The following PTPA variants were observed in gnomAD, a reference collection of about 807,000 sequenced individuals.
PTPA encodes protein phosphatase 2 phosphatase activator, also known as serine/threonine-protein phosphatase 2A activator.
PTPA carries 13 observed loss-of-function variants against 43.6 expected under a neutral mutation model. The ratio of observed to expected loss-of-function variants is 0.30; its 90% CI spans 0.19 to 0.47. The LOEUF (loss-of-function observed/expected upper bound fraction) is 0.47, where lower values mean the gene tolerates loss of function less well. Among genes scored for constraint, PTPA ranks in the 20% least tolerant of loss-of-function variants. The probability of loss-of-function intolerance (pLI) is 0.99; values close to 1 mark genes in which losing one functional copy is unlikely to be tolerated. For synonymous variants in PTPA, 172 were observed against 158.2 expected, an observed-to-expected ratio of 1.09 and a Z score of -0.66; for missense variants, 329 against 411.9, an observed-to-expected ratio of 0.80 and a Z score of 1.74.
At chr9:129,120,897 T>C (rs888157048) in intron 2 of PTPA, among the ~76,000 whole-genome samples, 1 of 152,224 alleles carries the variant, frequency 6.6e-6, no homozygotes, top group Non-Finnish European at 1.5e-5. Context: ...CTGTATTGGC[T>C]GAACATGAGT....
intron 9 of PTPA, among the ~76,000 whole-genome samples, chr9:129,146,615 G>A (rs981771835): frequency 2.6e-5 from 4 of 152,234 alleles, no homozygotes; most frequent in East Asian, 1.9e-4. Context: ...TGCCCAGAAC[G>A]GCTCCTGTGA....
intron 4 of PTPA, 102 bp downstream of exon 4, chr9:129,129,212 A>G (rs1443345169): frequency 2.1e-6 from 3 of 1,449,772 alleles, no homozygotes; most frequent in East Asian, 2.3e-5. Context: ...CTAGGCATAT[A>G]CAAATCTCAG....
chr9:129,127,640 T>C (rs1265928269), intron 3 of PTPA, among the ~76,000 whole-genome samples: 3 of 152,198 alleles, frequency 2.0e-5, no homozygotes, highest in South Asian at 2.1e-4. Flanking sequence ...GATTTCTTCA[T>C]TGAGTAACAT....
intron 8 of PTPA, among the ~76,000 whole-genome samples, chr9:129,139,014 G>A (rs934525579): frequency 3.9e-5 from 6 of 152,194 alleles, no homozygotes; most frequent in Non-Finnish European, 8.8e-5. Flanking sequence ...CGGAGCCCTG[G>A]GGGACCTCAG....
At chr9:129,114,646 T>C (rs574164143) in intron 1 of PTPA, among the ~76,000 whole-genome samples, 3 of 152,174 alleles carry the variant, frequency 2.0e-5, no homozygotes, top group Non-Finnish European at 4.4e-5. Context: ...AAATGGCCAA[T>C]GATAATGCTA....
upstream of PTPA, chr9:129,110,991 C>A: frequency 1.5e-6 from 2 of 1,371,416 alleles, no homozygotes; most frequent in Non-Finnish European, 2.0e-6. This position sits in a 1 kb window ranked among gnomAD's most constrained non-coding sequence, Gnocchi z 5.3. Context: ...CACCGTCCAG[C>A]TGTCTCTCCC....
intron 4 of PTPA, among the ~76,000 whole-genome samples, chr9:129,130,758 C>T (rs1849905616): frequency 6.6e-6 from 1 of 152,150 alleles, no homozygotes; most frequent in Admixed American, 6.5e-5. Context: ...CATGTTTTTA[C>T]TCATGGACTC....
chr9:129,135,450 T>G (rs977043016), intron 6 of PTPA, among the ~76,000 whole-genome samples: 3 of 152,186 alleles, frequency 2.0e-5, no homozygotes, highest in African/African-American at 4.8e-5. Flanking sequence ...GTTGACCATA[T>G]GGAGGAAGAA....
At chr9:129,116,609 T>C (rs1848896935) in intron 1 of PTPA, among the ~76,000 whole-genome samples, 1 of 152,164 alleles carries the variant, frequency 6.6e-6, no homozygotes, top group South Asian at 2.1e-4. Context: ...ATGGTCTCGA[T>C]CTCCTGACCT....
chr9:129,148,236 C>T lies in PTPA; in HGVS notation c.*772C>T, dbSNP rs1002681580. ...GTAGGTGCTGGGCTCCTGGGAGGGC[C>T]CAGATGATGGGGTGAGGCATGTCTT... On this transcript the variant is annotated 3_prime_UTR_variant, in exon 10 of 10. Transcript: ENST00000393370. 16 of 152,414 alleles carry T rather than the reference C, an allele frequency of 1.0e-4. No homozygotes were observed. The highest frequency in any genetic ancestry group is 3.4e-4 in the African/African-American group (14 of 41,470). The allele number at this position is 152,414 out of a possible 1,614,324, so 9.4% of individuals were successfully genotyped here.
intron 4 of PTPA, among the ~76,000 whole-genome samples, chr9:129,130,454 C>T (rs1455346695): frequency 1.3e-5 from 2 of 149,638 alleles, no homozygotes; most frequent in African/African-American, 2.5e-5. Context: ...AGTGCAGTGG[C>T]ATGATCTCAG....
chr9:129,133,751 GC>G (rs1386835740), intron 5 of PTPA, among the ~76,000 whole-genome samples: 2 of 152,148 alleles, frequency 1.3e-5, no homozygotes, highest in Non-Finnish European at 2.9e-5. Flanking sequence ...CTTTCCTATG[GC>G]CAAAAGGCCC....
At chr9:129,142,338 T>TTGTGTGTGTG in intron 8 of PTPA, 107 bp from the exon 9 acceptor site, 1 of 794,542 alleles carries the variant, frequency 1.3e-6, no homozygotes, top group South Asian at 2.1e-5. Flanking sequence ...GCGTGTGCGT[T>TTGTGTGTGTG]TGTGTGTGTG....
intron 1 of PTPA, among the ~76,000 whole-genome samples, chr9:129,116,387 T>TC (rs912612876): frequency 3.7e-5 from 5 of 134,428 alleles, no homozygotes; most frequent in South Asian, 2.4e-4. Flanking sequence ...AGGGTTTCTT[T>TC]TTTTTTTTTT....
chr9:129,118,344 G>A (rs941642844), intron 1 of PTPA, among the ~76,000 whole-genome samples: 5 of 151,634 alleles, frequency 3.3e-5, no homozygotes, highest in Non-Finnish European at 5.9e-5. Flanking sequence ...GAGCCACCAC[G>A]CCCAGCCTAT....
Position 129,133,061 on chromosome 9 carries a change from T to A in PTPA, c.460+1422T>A, listed in dbSNP as rs577318161. ...GCATTCTCTGTGTCAGGGCACGGCC[T>A]GTCGAGCCACCATGCTGAGACCCCA... On this transcript the variant is annotated intron_variant, in intron 5 of 9. Coordinates refer to ENST00000393370, the MANE Select transcript of PTPA (RefSeq NM_178000.3). Among the ~76,000 whole-genome samples, 36 of 152,036 alleles carry A rather than the reference T, an allele frequency of 2.4e-4. No individual in the cohort carries two copies. In the East Asian group the frequency reaches 6.6e-3, roughly 28 times the overall value.
chr9:129,142,696 A>T (rs1040395594), intron 9 of PTPA, 144 bp downstream of exon 9: 1 of 1,544,418 alleles, frequency 6.5e-7, no homozygotes, highest in African/African-American at 1.4e-5. Context: ...CCCCTCTGAC[A>T]CTTGGGGCCT....
intron 9 of PTPA, chr9:129,143,238 C>T (rs17486520): frequency 8.7e-6 from 6 of 689,372 alleles, no homozygotes; most frequent in Non-Finnish European, 1.6e-5. Context: ...TATTTCTACT[C>T]TGTCCCTTCT....
intron 3 of PTPA, among the ~76,000 whole-genome samples, chr9:129,126,438 C>T (rs1056125890): frequency 5.9e-5 from 9 of 151,992 alleles, no homozygotes; most frequent in Non-Finnish European, 1.2e-4. Context: ...TCTTGGCCTC[C>T]GTAAGTGCTG....
Sources: allele counts gnomAD v4.1 joint callset (sites outside exome capture counted in the v4.1 genomes callset), GRCh38; gene constraint gnomAD v4.1.1; non-coding constraint Gnocchi (gnomAD v3.1); transcripts MANE v1.5; gene names NCBI Gene and HGNC (gene_info 2026-07-23, HGNC 2026-07-21).